The following SNX29 variants were observed in gnomAD, a reference collection of about 807,000 sequenced individuals.
SNX29 encodes sorting nexin-29.
A neutral mutation model predicts 102.1 loss-of-function variants in SNX29; 78 were observed. The ratio of observed to expected loss-of-function variants is 0.76; its 90% confidence interval spans 0.64 to 0.92. The LOEUF (loss-of-function observed/expected upper bound fraction) is 0.92, where lower values mean the gene tolerates loss of function less well. Ranked by LOEUF, SNX29 falls within the 40% of genes least tolerant of loss-of-function variation. The pLI is 0.00. For synonymous variants in SNX29, 580 were observed against 414.5 expected (o/e 1.40, Z -4.85); for missense variants, 1,280 against 1,061.7 (o/e 1.21, Z -2.86).
intron 19 of SNX29, among the ~76,000 whole-genome samples, chr16:12,498,973 A>C (rs1461686601): frequency 2.6e-5 from 4 of 152,194 alleles, no homozygotes; most frequent in Non-Finnish European, 5.9e-5. Flanking sequence ...ATGGAGCCAT[A>C]GCTCCTTTTG....
intron 20 of SNX29, among the ~76,000 whole-genome samples, chr16:12,559,236 C>T (rs972737813): frequency 6.6e-6 from 1 of 152,090 alleles, no homozygotes; most frequent in East Asian, 1.9e-4. Context: ...CACTCCCCAT[C>T]ACTCGCATCA....
At chr16:12,558,343 G>A (rs2078503149) in intron 20 of SNX29, among the ~76,000 whole-genome samples, 1 of 151,950 alleles carries the variant, frequency 6.6e-6, no homozygotes, top group Non-Finnish European at 1.5e-5. Context: ...AGACAAAGAG[G>A]CCCCCTCAGC....
intron 18 of SNX29, among the ~76,000 whole-genome samples, chr16:12,406,182 G>A (rs533896209): frequency 6.6e-6 from 1 of 152,052 alleles, no homozygotes; most frequent in Admixed American, 6.5e-5. Flanking sequence ...AGGAAAAAGC[G>A]GAAAGCATAT....
chr16:12,161,683 C>A (rs2055790214), intron 13 of SNX29, among the ~76,000 whole-genome samples: 1 of 152,118 alleles, frequency 6.6e-6, no homozygotes, highest in Non-Finnish European at 1.5e-5. Flanking sequence ...AGCACACTCC[C>A]CCTTGGTCAT....
rs1309969801 is a variant in SNX29, at chr16:12,572,559, A to C, written c.*3930A>C. ...GGGCTGCGACACCATCTGGCTCCTC[A>C]CAGGGAGGTCCAGCCATGTTCTCTG... On this transcript the variant is annotated 3_prime_UTR_variant, in exon 21 of 21. Coordinates refer to ENST00000566228, the MANE Select transcript of SNX29 (RefSeq NM_032167.5). 1 of 1,063,682 alleles carries C rather than the reference A, an allele frequency of 9.4e-7. No homozygotes were observed. The highest frequency in any genetic ancestry group is 1.1e-6 in the Non-Finnish European group (1 of 878,320). 65.9% of individuals were successfully genotyped at this position (1,063,682 alleles called of 1,614,324 possible).
intron 15 of SNX29, among the ~76,000 whole-genome samples, chr16:12,300,952 A>C (rs957862773): frequency 7.2e-5 from 11 of 152,132 alleles, no homozygotes; most frequent in African/African-American, 2.7e-4. Flanking sequence ...TCCTTTGAGG[A>C]CCACTGGTTT....
At chr16:12,063,863 T>C (rs1332044835) in intron 9 of SNX29, among the ~76,000 whole-genome samples, 2 of 152,036 alleles carry the variant, frequency 1.3e-5, no homozygotes, top group Admixed American at 1.3e-4. Flanking sequence ...CCTGCATTTC[T>C]AGACCATCCA....
At chr16:12,245,483 A>AT (rs199731554) in intron 14 of SNX29, among the ~76,000 whole-genome samples, 256 of 146,100 alleles carry the variant, frequency 1.8e-3, no homozygotes, top group Middle Eastern at 0.011. Context: ...AACTGCCTAG[A>AT]TTTTTTTTTT....
At chr16:12,328,213 C>T (rs919532631) in intron 15 of SNX29, among the ~76,000 whole-genome samples, 2 of 152,194 alleles carry the variant, frequency 1.3e-5, no homozygotes, top group African/African-American at 2.4e-5. Flanking sequence ...TTCTTTTATC[C>T]TAGCTGTTGC....
intron 3 of SNX29, among the ~76,000 whole-genome samples, chr16:12,017,951 G>A (rs138091999): frequency 6.6e-6 from 1 of 152,068 alleles, no homozygotes; most frequent in African/African-American, 2.4e-5. Context: ...CGTCACCCAG[G>A]CAGGAGTGCA....
chr16:12,176,297 C>G lies in SNX29; in HGVS notation c.1596-23304C>G, dbSNP rs7204736. ...CTCTTCTCCCAGCTTTTGACAGGTG[C>G]AGGTTCAAATCTTGGTTCTGCTGCT... On this transcript the variant is annotated intron_variant, in intron 13 of 20. Coordinates refer to ENST00000566228, the MANE Select transcript of SNX29 (RefSeq NM_032167.5). Among the ~76,000 whole-genome samples, 240 of 152,314 alleles carry G rather than the reference C, an allele frequency of 1.6e-3. 1 individual carries two copies. Among genetic ancestry groups the G allele is most frequent in the African/African-American group, 5.6e-3 (231 of 41,566 alleles).
At chr16:12,217,510 G>T (rs1260450872) in intron 14 of SNX29, among the ~76,000 whole-genome samples, 1 of 152,164 alleles carries the variant, frequency 6.6e-6, no homozygotes, top group Non-Finnish European at 1.5e-5. Flanking sequence ...CCTGTAGACA[G>T]GTAGTACAGG....
At chr16:12,413,294 G>A (rs2084483100) in intron 18 of SNX29, among the ~76,000 whole-genome samples, 1 of 152,106 alleles carries the variant, frequency 6.6e-6, no homozygotes, top group African/African-American at 2.4e-5. Context: ...GAAGTGGTGG[G>A]ATCTCCTAAC....
intron 18 of SNX29, among the ~76,000 whole-genome samples, chr16:12,455,351 G>A (rs1434080186): frequency 6.6e-6 from 1 of 151,886 alleles, no homozygotes; most frequent in Non-Finnish European, 1.5e-5. Context: ...TTTTTTTTGA[G>A]AACCTCCAGC....
At chr16:12,298,959 G>A (rs1390476834) in intron 15 of SNX29, among the ~76,000 whole-genome samples, 2 of 150,324 alleles carry the variant, frequency 1.3e-5, no homozygotes, top group Non-Finnish European at 2.9e-5. Flanking sequence ...TAATGAGTTG[G>A]TTCCTTTCCC....
chr16:12,565,987 C>G (rs139412611), intron 20 of SNX29, among the ~76,000 whole-genome samples: 3 of 152,186 alleles, frequency 2.0e-5, no homozygotes, highest in African/African-American at 7.2e-5. Flanking sequence ...CCTGAGACCA[C>G]TTCTGCACCC....
intron 13 of SNX29, among the ~76,000 whole-genome samples, chr16:12,156,262 C>T (rs187930688): frequency 6.6e-6 from 1 of 152,340 alleles, no homozygotes; most frequent in Admixed American, 6.5e-5. Context: ...CAACCTCTGC[C>T]TCCCAGATTC....
intron 14 of SNX29, among the ~76,000 whole-genome samples, chr16:12,236,738 G>C (rs1054361511): frequency 6.6e-6 from 1 of 152,202 alleles, no homozygotes; most frequent in Admixed American, 6.5e-5. Context: ...TTCCTCTTTC[G>C]CATCTCCCTT....
chr16:12,403,495 G>C lies in SNX29; in HGVS notation c.2003G>C (p.Arg668Pro), dbSNP rs768619037. 2.2e-5 allele frequency: 35 copies of C among 1,608,216 alleles called. 1 individual carries two copies. In the South Asian group the frequency reaches 2.5e-4, roughly 11 times the overall value. ...GTCTGGATCCCCTCAGTGTTTCTCC[G>C]GGGCAAAGCAGCAAATGCATTCCAC... ...INVWIPSVFL[R>P]GKAANAFHVY... Residue 668 changes from arginine to proline, a missense_variant, in exon 18 of 21, where the codon CGG becomes CCG. Coordinates refer to ENST00000566228, the MANE Select transcript of SNX29 (RefSeq NM_032167.5).
Sources: allele counts gnomAD v4.1 joint callset (sites outside exome capture counted in the v4.1 genomes callset), GRCh38; gene constraint gnomAD v4.1.1; transcripts MANE v1.5; gene names NCBI Gene and HGNC (gene_info 2026-07-23, HGNC 2026-07-21).